The following AP4S1 variants were observed in gnomAD, a reference collection of about 807,000 sequenced individuals.
The protein encoded by AP4S1 is adaptor related protein complex 4 subunit sigma 1.
Under a neutral mutation model 19.8 loss-of-function variants are expected in AP4S1, and 23 were observed. The ratio of observed to expected loss-of-function variants is 1.16; its 90% CI spans 0.84 to 1.65. The LOEUF is 1.65. Among genes scored for constraint, AP4S1 ranks in the 40% most tolerant of loss-of-function variants. The pLI is 0.00. For missense variants in AP4S1, 166 were observed against 172.8 expected (o/e 0.96, Z 0.22); for synonymous variants, 46 against 54.1 (o/e 0.85, Z 0.66).
At chr14:31,028,366 C>T (rs1160664032) in intron 1 of AP4S1, among the ~76,000 whole-genome samples, 1 of 151,878 alleles carries the variant, frequency 6.6e-6, no homozygotes, top group East Asian at 1.9e-4. Context: ...TTTGTAGAGA[C>T]GGGGTTTTGT....
chr14:31,036,697 T>A (rs1884795722), intron 1 of AP4S1, among the ~76,000 whole-genome samples: 1 of 152,252 alleles, frequency 6.6e-6, no homozygotes, highest in South Asian at 2.1e-4. Flanking sequence ...CTACCAGGCC[T>A]CCTTCCAGTT....
intron 1 of AP4S1, chr14:31,026,288 G>A: frequency 2.4e-6 from 3 of 1,250,432 alleles, no homozygotes; most frequent in Non-Finnish European, 3.1e-6. Flanking sequence ...GGCCGGCCGG[G>A]AGAGGGGCGG....
chr14:31,084,513 A>G (rs1594712915), intron 5 of AP4S1, among the ~76,000 whole-genome samples: 1 of 152,244 alleles, frequency 6.6e-6, no homozygotes, highest in East Asian at 1.9e-4. Flanking sequence ...AAAGCCTTCC[A>G]TTTAGTGGAA....
chr14:31,049,467 ATATATG>A lies in AP4S1; in HGVS notation c.-71-16656_-71-16651del, dbSNP rs1385951866. Among the ~76,000 whole-genome samples the A allele has an allele frequency of 4.1e-3, 356 of 86,302 alleles. 3 individuals carry two copies. Among genetic ancestry groups the A allele is most frequent in the Admixed American group, 0.026 (196 of 7,602 alleles). The allele number at this position is 86,302 out of a possible 152,430, so 56.6% of individuals were successfully genotyped here. ...TATATATATATATATATATATGTAT[ATATATG>A]TACACACACACACACACACACACAC... On this transcript the variant is annotated intron_variant, in intron 1 of 5. Coordinates refer to ENST00000542754, the MANE Select transcript of AP4S1 (RefSeq NM_001128126.3).
intron 1 of AP4S1, chr14:31,032,847 T>C (rs947918770): frequency 6.6e-6 from 1 of 152,244 alleles, no homozygotes; most frequent in Non-Finnish European, 1.5e-5. Context: ...TACAGTTTTA[T>C]ATCTTGCTGA....
intron 1 of AP4S1, among the ~76,000 whole-genome samples, chr14:31,049,445 A>ATG (rs1280824280): frequency 1.4e-5 from 1 of 69,076 alleles, no homozygotes; most frequent in African/African-American, 7.7e-5. Context: ...ATATATATAT[A>ATG]TATATATATA....
rs150126817 is a variant in AP4S1 at position 31,041,613 on chromosome 14, C to T, written c.-72+15826C>T. 6.5e-4 allele frequency among the ~76,000 whole-genome samples: 99 copies of T among 152,296 alleles called. No homozygotes were observed. In the East Asian group the frequency reaches 0.016, roughly 25 times the overall value. ...TAGCACCTCCTGGGAGCATCCCAGG[C>T]ACAACAATCTCTGGTCCCCACTGCC... is the stretch of plus-strand genomic sequence containing the variant. On this transcript the variant is annotated intron_variant, in intron 1 of 5. Coordinates refer to ENST00000542754, the MANE Select transcript of AP4S1 (RefSeq NM_001128126.3).
intron 5 of AP4S1, among the ~76,000 whole-genome samples, chr14:31,090,092 G>A (rs1472056134): frequency 6.6e-6 from 1 of 152,144 alleles, no homozygotes; most frequent in Non-Finnish European, 1.5e-5. Flanking sequence ...AGGTTCAAGT[G>A]ATTCTCCTGC....
At chr14:31,064,586 T>C (rs1024836221) in intron 1 of AP4S1, among the ~76,000 whole-genome samples, 2 of 152,026 alleles carry the variant, frequency 1.3e-5, no homozygotes, top group Admixed American at 6.6e-5. Flanking sequence ...CCTCCCAAAA[T>C]GCTGGGATTA....
intron 1 of AP4S1, among the ~76,000 whole-genome samples, chr14:31,048,991 C>T (rs1020601922): frequency 4.6e-5 from 7 of 151,996 alleles, no homozygotes; most frequent in African/African-American, 9.7e-5. Context: ...CAGTGGCTCA[C>T]GCCTGTAATC....
Position 31,025,737 on chromosome 14 carries a change from G to C in AP4S1, c.-122G>C. On this transcript the variant is annotated 5_prime_UTR_variant, in exon 1 of 6. Transcript: ENST00000542754. ...CAAGCTTATGCGGGAAAGAGGGAGG[G>C]GGACTCCAGGAAAAGCCGTTGAGAG... 1 of 907,266 alleles carries C rather than the reference G, an allele frequency of 1.1e-6. No homozygotes were observed. The highest frequency in any genetic ancestry group is 3.0e-5 in the East Asian group (1 of 33,890). The allele number at this position is 907,266 out of a possible 1,614,324, so 56.2% of individuals were successfully genotyped here.
At chr14:31,034,767 G>A (rs1001268357) in intron 1 of AP4S1, among the ~76,000 whole-genome samples, 1 of 150,788 alleles carries the variant, frequency 6.6e-6, no homozygotes, top group Non-Finnish European at 1.5e-5. Flanking sequence ...ACAGGCACCC[G>A]CCACCACGAC....
intron 5 of AP4S1, chr14:31,084,754 A>C (rs1887838738): frequency 1.2e-6 from 2 of 1,613,992 alleles, no homozygotes; most frequent in Non-Finnish European, 1.7e-6. Flanking sequence ...TTATGAATTA[A>C]GGTGTTTTTT....
intron 1 of AP4S1, chr14:31,026,372 C>T (rs897474074): frequency 2.1e-6 from 1 of 483,344 alleles, no homozygotes; most frequent in East Asian, 3.7e-5. Context: ...ACAATCCCTC[C>T]TCCATCTGCC....
At chr14:31,060,374 T>C (rs954977411) in intron 1 of AP4S1, among the ~76,000 whole-genome samples, 8 of 152,146 alleles carry the variant, frequency 5.3e-5, no homozygotes, top group Admixed American at 2.6e-4. Context: ...TACCAAGGGT[T>C]GACTGTAATG....
At position 31,095,363 on chromosome 14, in the gene AP4S1, A is replaced by G. The variant is rs1401834514; in HGVS notation, c.*2328A>G. ...CTATAGAGAACATTACTTTCAAATA[A>G]TGGATGGTCAGACATTAAGACAGCC... On this transcript the variant is annotated 3_prime_UTR_variant, in exon 6 of 6. Transcript: ENST00000542754. 1.3e-5 allele frequency: 2 copies of G among 152,208 alleles called. No homozygotes were observed. The highest frequency in any genetic ancestry group is 6.5e-5 in the Admixed American group (1 of 15,284). 9.4% of individuals were successfully genotyped at this position (152,208 alleles called of 1,614,324 possible).
At chr14:31,045,012 G>A (rs543457608) in intron 1 of AP4S1, among the ~76,000 whole-genome samples, 13 of 150,736 alleles carry the variant, frequency 8.6e-5, no homozygotes, top group African/African-American at 9.8e-5. Context: ...AGCAGTTCTC[G>A]TGCCTCAGCC....
At chr14:31,045,174 T>C (rs1885324242) in intron 1 of AP4S1, among the ~76,000 whole-genome samples, 1 of 152,208 alleles carries the variant, frequency 6.6e-6, no homozygotes, top group African/African-American at 2.4e-5. Flanking sequence ...AGCGCTGGGA[T>C]TGCAGGCGTG....
intron 5 of AP4S1, among the ~76,000 whole-genome samples, chr14:31,080,841 G>A (rs1444409859): frequency 6.6e-6 from 1 of 152,110 alleles, no homozygotes; most frequent in Non-Finnish European, 1.5e-5. Flanking sequence ...GAGTGCAATG[G>A]TGTAATCTCT....
Sources: gnomAD v4.1 joint callset for allele counts (sites outside exome capture counted in the v4.1 genomes callset) on GRCh38, gnomAD v4.1.1 for gene constraint, MANE v1.5 for transcripts, NCBI Gene and HGNC (gene_info 2026-07-23, HGNC 2026-07-21) for gene names.